NR2E3: variants seen among roughly 807,000 people sequenced by gnomAD.
The protein encoded by NR2E3 is photoreceptor-specific nuclear receptor.
In NR2E3, 38 loss-of-function variants were observed where a neutral mutation model predicts 37.6. The ratio of observed to expected loss-of-function variants is 1.01; its 90% confidence interval spans 0.78 to 1.33. NR2E3 has a LOEUF of 1.33. NR2E3 is among the 40% of genes most tolerant of loss of function. NR2E3 has a pLI of 0.00. For synonymous variants in NR2E3, 235 were observed against 225.1 expected, an observed-to-expected ratio of 1.04 and a Z score of -0.39; for missense variants, 562 against 558.7, an observed-to-expected ratio of 1.01 and a Z score of -0.06.
chr15:71,811,362 C>T lies in NR2E3; in HGVS notation c.119-121C>T, dbSNP rs1282631297. 1.4e-5 allele frequency: 12 copies of T among 870,070 alleles called. No homozygotes were observed. Among genetic ancestry groups the T allele is most frequent in the South Asian group, 8.4e-5 (5 of 59,672 alleles). 53.9% of individuals were successfully genotyped at this position (870,070 alleles called of 1,614,324 possible). ...CAGATGGAAGAGTCACGCGTGGGTT[C>T]GTTCAAATGCGGGTGAGCGGGGCCT... On this transcript the variant is annotated intron_variant, in intron 1 of 7. Coordinates refer to ENST00000617575, the MANE Select transcript of NR2E3 (RefSeq NM_014249.4). This position sits in a 1 kb window ranked among gnomAD's most constrained non-coding sequence, Gnocchi z 5.6.
rs763876921 is a variant in NR2E3 at position 71,813,502 on chromosome 15, T to C, written c.861T>C (p.Gly287=). The part of the protein sequence containing the change: ...LLAPPEASAA[G]GAQGRLTLAS... ...CACCGCCCGAGGCCTCTGCTGCCGGTGGTGCCCAGGGCCGGCTCACGCTGG... is the reference window on the plus strand; with the variant it reads ...CACCGCCCGAGGCCTCTGCTGCCGGCGGTGCCCAGGGCCGGCTCACGCTGG... Residue 287 remains glycine (G), a synonymous_variant, in exon 6 of 8, where the codon GGT becomes GGC. Coordinates refer to ENST00000617575, the MANE Select transcript of NR2E3 (RefSeq NM_014249.4). This position sits in a 1 kb window ranked among gnomAD's most constrained non-coding sequence, Gnocchi z 4.7. The C allele has an allele frequency of 3.1e-6, 5 of 1,612,916 alleles. No individual in the cohort carries two copies. In the East Asian group the frequency reaches 8.9e-5, roughly 29 times the overall value.
Position 71,811,562 on chromosome 15 carries a change from C to T in NR2E3, c.198C>T (p.Gly66=). 6.2e-7 allele frequency: 1 copy of T among 1,602,202 alleles called. No individual in the cohort carries two copies. ...GKHYGIYACN[G]CSGFFKRSVR... ...ACTATGGCATCTATGCCTGCAACGG[C>T]TGCAGCGGCTTCTTCAAGAGGAGCG... is the stretch of plus-strand genomic sequence containing the variant. The change falls in exon 2 of 8, where the codon GGC becomes GGT. Residue 66 remains glycine (G), a synonymous_variant. Transcript: ENST00000617575. The surrounding 1 kb of genome is among the most constrained non-coding windows in gnomAD (Gnocchi z 5.6).
Position 71,811,515 on chromosome 15 carries a change from G to A in NR2E3, c.151G>A (p.Gly51Arg), listed in dbSNP as rs544807110. Residue 51 changes from glycine (G) to arginine (R), a missense_variant, in exon 2 of 8, where the codon GGA (glycine) becomes AGA (arginine). Physicochemically the swap from Gly to Arg is moderately radical, Grantham distance 125. Coordinates refer to ENST00000617575, the MANE Select transcript of NR2E3 (RefSeq NM_014249.4). This position sits in a 1 kb window ranked among gnomAD's most constrained non-coding sequence, Gnocchi z 5.6. ...CCCCTCGCTCCAGTGCCGCGTGTGC[G>A]GAGACAGCAGCAGCGGGAAGCACTA... ...VSPSLQCRVC[G>R]DSSSGKHYGI... 1.7e-5 allele frequency: 26 copies of A among 1,571,668 alleles called. No homozygotes were observed. Among genetic ancestry groups the A allele is most frequent in the East Asian group, 7.1e-5 (3 of 42,268 alleles).
In NR2E3 at chr15:71,811,933, C is replaced by T. The variant is rs368415219; in HGVS notation, c.350-22C>T. On this transcript the variant is annotated intron_variant, in intron 3 of 7. Coordinates refer to ENST00000617575, the MANE Select transcript of NR2E3 (RefSeq NM_014249.4). This position sits in a 1 kb window ranked among gnomAD's most constrained non-coding sequence, Gnocchi z 5.6. ...TGGGCAGCGGGACTGGCGTGTCGTCCTGACCCTTCCTGCCTCCCCAGCCGT... is the reference window on the plus strand; with the variant it reads ...TGGGCAGCGGGACTGGCGTGTCGTCTTGACCCTTCCTGCCTCCCCAGCCGT... 282 of 1,548,918 alleles carry T rather than the reference C, an allele frequency of 1.8e-4. 2 individuals are homozygous for T. The South Asian group carries it at 3.1e-3, about 17-fold the overall frequency.
In NR2E3 at chr15:71,812,521, G is replaced by A. The variant is rs780825147; in HGVS notation, c.747+10G>A. On this transcript the variant is annotated intron_variant, in intron 5 of 7. Transcript: ENST00000617575. ...GCCCTTCCGGGATCAGGTACCTACC[G>A]GCCTGCCTGCTGGGGAGCTAGGCTG... 22 of 1,597,270 alleles carry A rather than the reference G, an allele frequency of 1.4e-5. No individual in the cohort carries two copies. Among genetic ancestry groups the A allele is most frequent in the African/African-American group, 4.0e-5 (3 of 74,668 alleles).
In NR2E3 at chr15:71,810,675, G is replaced by C. The variant is rs551298973; in HGVS notation, c.-69G>C. 35 of 1,546,146 alleles carry C rather than the reference G, an allele frequency of 2.3e-5. No individual in the cohort carries two copies. The East Asian group carries it at 8.6e-4, about 38-fold the overall frequency. ...ACAGAGAGACAGAGGTTCATGGACTGAGGCAAAGGCTGGGCCAGGCTCAGC... is the reference window on the plus strand; with the variant it reads ...ACAGAGAGACAGAGGTTCATGGACTCAGGCAAAGGCTGGGCCAGGCTCAGC... On this transcript the variant is annotated 5_prime_UTR_variant, in exon 1 of 8. It removes the in-frame stop codon of an upstream open reading frame in the 5' UTR. Coordinates refer to ENST00000617575, the MANE Select transcript of NR2E3 (RefSeq NM_014249.4).
At chr15:71,815,233 C>T (rs904671574) in intron 7 of NR2E3, among the ~76,000 whole-genome samples, 8 of 152,200 alleles carry the variant, frequency 5.3e-5, no homozygotes, top group Non-Finnish European at 8.8e-5. Context: ...ATGTTATCTG[C>T]AATCTTTGGG....
At chr15:71,815,143 G>GC (rs2140292802) in intron 7 of NR2E3, among the ~76,000 whole-genome samples, 1 of 152,232 alleles carries the variant, frequency 6.6e-6, no homozygotes, top group South Asian at 2.1e-4. Context: ...ACGCTGTTTG[G>GC]CCCAGCACAG....
intron 7 of NR2E3, among the ~76,000 whole-genome samples, chr15:71,816,322 G>A (rs1312614012): frequency 4.7e-5 from 7 of 148,116 alleles, no homozygotes; most frequent in Admixed American, 2.7e-4. Flanking sequence ...GCGCAGTGGC[G>A]TGATCTCGGT....
At position 71,811,924 on chromosome 15, in the gene NR2E3, C is replaced by T. The variant is rs1322109793; in HGVS notation, c.350-31C>T. 7.7e-6 allele frequency: 12 copies of T among 1,548,544 alleles called. No homozygotes were observed. The highest frequency in any genetic ancestry group is 2.4e-5 in the East Asian group (1 of 40,894). On this transcript the variant is annotated intron_variant, in intron 3 of 7. Transcript: ENST00000617575. The surrounding 1 kb of genome is among the most constrained non-coding windows in gnomAD (Gnocchi z 5.6). The stretch of plus-strand genomic sequence containing the variant: ...GACAAGAAATGGGCAGCGGGACTGG[C>T]GTGTCGTCCTGACCCTTCCTGCCTC...
chr15:71,810,630 T>A lies in NR2E3; in HGVS notation c.-114T>A, dbSNP rs1281356184. On this transcript the variant is annotated 5_prime_UTR_variant, in exon 1 of 8. Transcript: ENST00000617575. ...GGCAGCTCCTGAGTTCAGACAGAGT[T>A]CAGGAAGGGAGACAGGGGCACAGAG... 6.7e-7 allele frequency: 1 copy of A among 1,481,620 alleles called. No individual in the cohort carries two copies. Among genetic ancestry groups the A allele is most frequent in the African/African-American group, 1.4e-5 (1 of 71,254 alleles). 91.8% of individuals were successfully genotyped at this position (1,481,620 alleles called of 1,614,324 possible).
chr15:71,816,583 A>G (rs1229888184), intron 7 of NR2E3, among the ~76,000 whole-genome samples: 1 of 144,760 alleles, frequency 6.9e-6, no homozygotes, highest in East Asian at 2.3e-4. Context: ...TATTTAAAAC[A>G]ATAAATATTT....
At chr15:71,816,417 C>T (rs1046102838) in intron 7 of NR2E3, among the ~76,000 whole-genome samples, 6 of 151,948 alleles carry the variant, frequency 3.9e-5, no homozygotes, top group African/African-American at 4.8e-5. Flanking sequence ...CCCACCACCA[C>T]GCCCGGCTAA....
In NR2E3 at chr15:71,810,583, G is replaced by A. The variant is rs2054169906; in HGVS notation, c.-161G>A. The A allele has an allele frequency of 1.9e-6, 2 of 1,067,564 alleles. No homozygotes were observed. Among genetic ancestry groups the A allele is most frequent in the Non-Finnish European group, 2.7e-6 (2 of 753,752 alleles). 66.1% of individuals were successfully genotyped at this position (1,067,564 alleles called of 1,614,324 possible). A position where few individuals can be genotyped will look rare whatever the true frequency, so the allele number is the denominator to read the frequency against. On this transcript the variant is annotated 5_prime_UTR_variant, in exon 1 of 8. The change creates a new upstream start codon in the 5' untranslated region. Coordinates refer to ENST00000617575, the MANE Select transcript of NR2E3 (RefSeq NM_014249.4). Reference sequence around the variant, plus strand: ...ATCTCCTCAAGCCAGAGCCTGTGCTGTGAGGGGCTTCGGGACCTTGGGGCA... The same window carrying A: ...ATCTCCTCAAGCCAGAGCCTGTGCTATGAGGGGCTTCGGGACCTTGGGGCA...
intron 7 of NR2E3, among the ~76,000 whole-genome samples, chr15:71,815,707 C>T (rs569427971): frequency 1.3e-5 from 2 of 152,304 alleles, no homozygotes; most frequent in East Asian, 1.9e-4. Flanking sequence ...GGAAGAAACA[C>T]AATTACCATC....
chr15:71,814,404 A>C, intron 7 of NR2E3: 1 of 1,189,014 alleles, frequency 8.4e-7, no homozygotes, highest in East Asian at 4.0e-5. Flanking sequence ...TGCAGGAGAC[A>C]GAGATCCCCT....
At chr15:71,810,963 C>A in intron 1 of NR2E3, 102 bp downstream of exon 1, 1 of 1,253,130 alleles carries the variant, frequency 8.0e-7, no homozygotes. Context: ...ACAACTCAGA[C>A]CCAGCCCCGC....
At position 71,816,398 on chromosome 15, in the gene NR2E3, C is replaced by T. The variant is rs915587016; in HGVS notation, c.1101-1154C>T. ...GCCTCAGCCTCCCGAGTAGCTGGGACTACAGGCGCCCACCACCACGCCCGG... is the reference window on the plus strand; with the variant it reads ...GCCTCAGCCTCCCGAGTAGCTGGGATTACAGGCGCCCACCACCACGCCCGG... On this transcript the variant is annotated intron_variant, in intron 7 of 7. Coordinates refer to ENST00000617575, the MANE Select transcript of NR2E3 (RefSeq NM_014249.4). Among the ~76,000 whole-genome samples, 9 of 151,614 alleles carry T rather than the reference C, an allele frequency of 5.9e-5. No homozygotes were observed. The East Asian group carries it at 1.6e-3, about 26-fold the overall frequency.
At position 71,811,829 on chromosome 15, in the gene NR2E3, C is replaced by A. The variant is rs955766374; in HGVS notation, c.309C>A (p.Cys103Ter). Residue 103 changes from cysteine to a stop codon, truncating the protein, a stop_gained, in exon 3 of 8, where the codon TGC (cysteine) becomes TGA (stop). Transcript: ENST00000617575. LOFTEE classifies it high-confidence loss of function. The surrounding 1 kb of genome is among the most constrained non-coding windows in gnomAD (Gnocchi z 5.6). The stretch of plus-strand genomic sequence containing the variant: ...CCCACCGCAACCAGTGCCAGGCCTG[C>A]CGGCTGAAGAAGTGCCTGCAGGCGG... ...DKAHRNQCQA[C>*]RLKKCLQAGM... 29 of 1,551,262 alleles carry A rather than the reference C, an allele frequency of 1.9e-5. No individual in the cohort carries two copies. Among genetic ancestry groups the A allele is most frequent in the Non-Finnish European group, 2.4e-5 (28 of 1,147,034 alleles).
Sources: gnomAD v4.1 joint callset for allele counts (sites outside exome capture counted in the v4.1 genomes callset) on GRCh38, gnomAD v4.1.1 for gene constraint, Gnocchi (gnomAD v3.1) non-coding constraint, MANE v1.5 for transcripts, NCBI Gene and HGNC (gene_info 2026-07-23, HGNC 2026-07-21) for gene names.